Variants in GRXCR2 observed in about 807,000 individuals in gnomAD.
GRXCR2 encodes glutaredoxin domain-containing cysteine-rich protein 2.
In GRXCR2, 23 loss-of-function variants were observed where a neutral mutation model predicts 24.8. The ratio of observed to expected loss-of-function variants is 0.93; its 90% CI spans 0.67 to 1.32. The LOEUF (loss-of-function observed/expected upper bound fraction) is 1.32, where lower values mean the gene tolerates loss of function less well. Among genes scored for constraint, GRXCR2 ranks in the 40% most tolerant of loss-of-function variants. GRXCR2 has a pLI of 0.00. For missense variants in GRXCR2, 315 were observed against 303.4 expected (o/e 1.04, Z -0.28); for synonymous variants, 130 against 116.1 (o/e 1.12, Z -0.77).
In GRXCR2 at chr5:145,905,342, C is replaced by T. The variant is rs1203805519; in HGVS notation, c.-70+30359G>A. On this transcript the variant is annotated intron_variant, in intron 2 of 3. Transcript: ENST00000639411. Reference sequence around the variant, plus strand: ...TCTGAAAAGTAAATAACATGTAAGGCCTGAAAACACTTTATAAATCCAAAT... The same window carrying T: ...TCTGAAAAGTAAATAACATGTAAGGTCTGAAAACACTTTATAAATCCAAAT... Among the ~76,000 whole-genome samples, 5 of 152,236 alleles carry T rather than the reference C, an allele frequency of 3.3e-5. No individual in the cohort carries two copies. In the East Asian group the frequency reaches 5.8e-4, roughly 18 times the overall value.
intron 2 of GRXCR2, among the ~76,000 whole-genome samples, chr5:145,882,269 C>T (rs2149915799): frequency 1.3e-5 from 2 of 152,212 alleles, no homozygotes; most frequent in East Asian, 3.9e-4. Flanking sequence ...GCAATCTACG[C>T]ATCTGACAAA....
intron 2 of GRXCR2, among the ~76,000 whole-genome samples, chr5:145,890,028 T>A (rs1322547754): frequency 6.6e-6 from 1 of 152,228 alleles, no homozygotes; most frequent in Non-Finnish European, 1.5e-5. Context: ...ATTTCAGAGA[T>A]TAAAGACCAG....
At chr5:145,924,171 C>T (rs1305431882) in intron 2 of GRXCR2, among the ~76,000 whole-genome samples, 1 of 152,140 alleles carries the variant, frequency 6.6e-6, no homozygotes, top group African/African-American at 2.4e-5. Context: ...AGTGTACCTA[C>T]AGTTGATTGC....
intron 2 of GRXCR2, among the ~76,000 whole-genome samples, chr5:145,928,497 C>A (rs1416226163): frequency 6.6e-6 from 1 of 152,036 alleles, no homozygotes; most frequent in African/African-American, 2.4e-5. Flanking sequence ...AGACTTGGAA[C>A]CAAGTCAAAT....
At chr5:145,887,206 C>T (rs1756790600) in intron 2 of GRXCR2, among the ~76,000 whole-genome samples, 1 of 152,220 alleles carries the variant, frequency 6.6e-6, no homozygotes, top group Non-Finnish European at 1.5e-5. Flanking sequence ...AAGCAATCCT[C>T]CTGCTTCAGC....
upstream of GRXCR2, among the ~76,000 whole-genome samples, chr5:145,874,331 G>A (rs894953734): frequency 2.0e-5 from 3 of 151,906 alleles, no homozygotes; most frequent in Non-Finnish European, 4.4e-5. Flanking sequence ...AGCCTCCCGA[G>A]TAGCTGGGAC....
chr5:145,857,728 C>G (rs541216005), downstream of GRXCR2, among the ~76,000 whole-genome samples: 22 of 152,308 alleles, frequency 1.4e-4, no homozygotes, highest in Admixed American at 1.2e-3. Flanking sequence ...TTTACAGAAG[C>G]TGAGGTTGCT....
chr5:145,872,517 G>A, intron 1 of GRXCR2, 116 bp downstream of exon 1: 1 of 763,108 alleles, frequency 1.3e-6, no homozygotes, highest in African/African-American at 1.7e-5. Context: ...TGCACCAACA[G>A]TTCTGGTTGG....
intron 2 of GRXCR2, among the ~76,000 whole-genome samples, chr5:145,908,286 T>A (rs548099270): frequency 1.1e-4 from 17 of 152,238 alleles, no homozygotes; most frequent in African/African-American, 4.1e-4. Flanking sequence ...GGAATGACCA[T>A]GTACAAGAAA....
chr5:145,866,393 A>G lies in GRXCR2; in HGVS notation c.564+108T>C, dbSNP rs1581330455. 4.4e-6 allele frequency: 3 copies of G among 688,140 alleles called. No homozygotes were observed. The Admixed American group carries it at 8.0e-5, about 18-fold the overall frequency. 42.6% of individuals were successfully genotyped at this position (688,140 alleles called of 1,614,324 possible). On this transcript the variant is annotated intron_variant, in intron 2 of 2. Coordinates refer to ENST00000377976, the MANE Select transcript of GRXCR2 (RefSeq NM_001080516.2). The stretch of plus-strand genomic sequence containing the variant: ...CATATCTTCAAGTTTAGGTATCTTA[A>G]GTATTCATATTCAAAAGGTTTTACT...
At position 145,872,941 on chromosome 5, in the gene GRXCR2, G is replaced by A; in HGVS notation, c.28C>T (p.Gln10Ter). The change falls in exon 1 of 3, where the codon CAG (glutamine) becomes TAG (stop). Residue 10 changes from glutamine to a stop codon, truncating the protein, a stop_gained. Transcript: ENST00000377976. LOFTEE classifies it high-confidence loss of function. The stretch of plus-strand genomic sequence containing the variant: ...TTCCGGGGTTTGCCATCACTCTTCT[G>A]ATTCAGCTTTTTCTCAGGGTCCTCC... MEDPEKKLN[Q>*]KSDGKPRKVR... 3 of 1,614,044 alleles carry A rather than the reference G, an allele frequency of 1.9e-6. No homozygotes were observed. The South Asian group carries it at 3.3e-5, about 18-fold the overall frequency.
Position 145,894,980 on chromosome 5 carries a change from C to T in GRXCR2, c.-69-28252G>A, listed in dbSNP as rs372711225. 2.9e-4 allele frequency among the ~76,000 whole-genome samples: 44 copies of T among 152,272 alleles called. 1 individual carries two copies. In the East Asian group the frequency reaches 7.1e-3, roughly 25 times the overall value. On this transcript the variant is annotated intron_variant, in intron 2 of 3. Transcript: ENST00000639411. Reference sequence around the variant, plus strand: ...TCCCTGGGATGCAAGGCTGGTTCAACATACGCAAATCAATAAACGTAATCC... The same window carrying T: ...TCCCTGGGATGCAAGGCTGGTTCAATATACGCAAATCAATAAACGTAATCC...
chr5:145,910,684 T>A (rs1757152794), intron 2 of GRXCR2, among the ~76,000 whole-genome samples: 1 of 152,100 alleles, frequency 6.6e-6, no homozygotes, highest in Non-Finnish European at 1.5e-5. Flanking sequence ...GAAGACAACA[T>A]AAAAGATATA....
At position 145,880,245 on chromosome 5, in the gene GRXCR2, A is replaced by G. The variant is rs536451852; in HGVS notation, c.-69-13517T>C. Among the ~76,000 whole-genome samples, 14 of 152,278 alleles carry G rather than the reference A, an allele frequency of 9.2e-5. No homozygotes were observed. In the South Asian group the frequency reaches 2.9e-3, roughly 32 times the overall value. ...ACAAAAAAAACCCTTCAAAAAATCA[A>G]TGAATCCAGGAGCTGTTTTTTCGAA... On this transcript the variant is annotated intron_variant, in intron 2 of 3. Transcript: ENST00000639411.
At position 145,866,541 on chromosome 5, in the gene GRXCR2, A is replaced by C. The variant is rs930767233; in HGVS notation, c.524T>G (p.Val175Gly). The C allele has an allele frequency of 2.5e-6, 4 of 1,614,012 alleles. No homozygotes were observed. In the African/African-American group the frequency reaches 5.3e-5, roughly 22 times the overall value. Residue 175 changes from valine (V) to glycine (G), a missense_variant, in exon 2 of 3, where the codon GTG (valine) becomes GGG (glycine). Transcript: ENST00000377976. ...GGRDQHDRPL[V>G]EAESTLPQNR... The stretch of plus-strand genomic sequence containing the variant: ...TTGGGGTAATGTGCTTTCTGCCTCC[A>C]CCAAAGGTCTATCGTGCTGGTCCCT...
At chr5:145,894,990 T>C (rs531868160) in intron 2 of GRXCR2, among the ~76,000 whole-genome samples, 83 of 152,014 alleles carry the variant, frequency 5.5e-4, no homozygotes, top group African/African-American at 2.0e-3. Context: ...CATACGCAAA[T>C]CAATAAACGT....
chr5:145,902,996 G>T (rs1002076213), intron 2 of GRXCR2, among the ~76,000 whole-genome samples: 12 of 152,156 alleles, frequency 7.9e-5, no homozygotes, highest in Admixed American at 5.9e-4. Flanking sequence ...GCATTATGCA[G>T]CTTTTAAATA....
At chr5:145,919,404 C>T (rs1017363982) in intron 2 of GRXCR2, among the ~76,000 whole-genome samples, 1 of 152,196 alleles carries the variant, frequency 6.6e-6, no homozygotes, top group Non-Finnish European at 1.5e-5. Context: ...AGTAGCCTTA[C>T]TTCTTTCAAT....
intron 2 of GRXCR2, among the ~76,000 whole-genome samples, chr5:145,895,521 C>A (rs1756935611): frequency 6.6e-6 from 1 of 152,106 alleles, no homozygotes; most frequent in African/African-American, 2.4e-5. Context: ...TGAGTGAACT[C>A]CCATTTACTA....
Sources: gnomAD v4.1 joint callset for allele counts (sites outside exome capture counted in the v4.1 genomes callset) on GRCh38, gnomAD v4.1.1 for gene constraint, MANE v1.5 for transcripts, NCBI Gene and HGNC (gene_info 2026-07-23, HGNC 2026-07-21) for gene names.